Variants in FCN1 observed in about 807,000 individuals in gnomAD.
FCN1 encodes ficolin-1.
A neutral mutation model predicts 35.6 loss-of-function variants in FCN1; 42 were observed. The observed-to-expected ratio is 1.18, with a 90% confidence interval of 0.92 to 1.53. FCN1 has a LOEUF of 1.53. Among genes scored for constraint, FCN1 ranks in the 40% most tolerant of loss-of-function variants. The pLI, the probability that FCN1 is intolerant of heterozygous loss-of-function variation, is 0.00. For missense variants in FCN1, 439 were observed against 428.4 expected (o/e 1.02, Z -0.22); for synonymous variants, 179 against 169.8 (o/e 1.05, Z -0.42).
chr9:134,912,666 A>G, intron 6 of FCN1, 51 bp from the exon 7 acceptor site: 1 of 1,612,472 alleles, frequency 6.2e-7, no homozygotes, highest in South Asian at 1.1e-5. Flanking sequence ...GAGGTCCCAC[A>G]GCACCGGGGA....
rs541727182 is a variant in FCN1 at position 134,904,338 on chromosome 9, T to C, written c.*5460A>G. 6.6e-6 allele frequency among the ~76,000 whole-genome samples: 1 copy of C among 152,344 alleles called. No homozygotes were observed. The highest frequency in any genetic ancestry group is 2.1e-4 in the South Asian group (1 of 4,830). On this transcript the variant is annotated 3_prime_UTR_variant, in exon 9 of 9. Coordinates refer to ENST00000371806, the MANE Select transcript of FCN1 (RefSeq NM_002003.5). ...CTGAAATAACTGAATCTGAAAATACTGGACATCTGTATTTACAGTGCTAAA... is the reference window on the plus strand; with the variant it reads ...CTGAAATAACTGAATCTGAAAATACCGGACATCTGTATTTACAGTGCTAAA...
At chr9:134,916,933 T>C (rs887407034) in intron 1 of FCN1, among the ~76,000 whole-genome samples, 7 of 152,336 alleles carry the variant, frequency 4.6e-5, no homozygotes, top group African/African-American at 1.4e-4. Context: ...GAAGGGGCTT[T>C]CTAGGTCCTC....
In FCN1 at chr9:134,911,118, C is replaced by T. The variant is rs1053393904; in HGVS notation, c.733+15G>A. The T allele has an allele frequency of 6.8e-6, 11 of 1,613,856 alleles. No individual in the cohort carries two copies. The African/African-American group carries it at 1.2e-4, about 18-fold the overall frequency. On this transcript the variant is annotated intron_variant, in intron 8 of 8. Coordinates refer to ENST00000371806, the MANE Select transcript of FCN1 (RefSeq NM_002003.5). The stretch of plus-strand genomic sequence containing the variant: ...CAAGCCCCACTCAGGCCACCAGCCC[C>T]AAGCAGACACTCACCCGCACTGCCC...
chr9:134,915,708 C>T (rs988685095), intron 2 of FCN1, among the ~76,000 whole-genome samples: 1 of 152,214 alleles, frequency 6.6e-6, no homozygotes, highest in African/African-American at 2.4e-5. Flanking sequence ...ATCTTGAATG[C>T]GTCCAGGCAT....
chr9:134,915,319 GACCCT>G (rs1470715794), intron 2 of FCN1, among the ~76,000 whole-genome samples: 1 of 152,174 alleles, frequency 6.6e-6, no homozygotes, highest in African/African-American at 2.4e-5. Flanking sequence ...CCAGAAAGGT[GACCCT>G]CCCGTCCCCG....
At position 134,910,056 on chromosome 9, in the gene FCN1, A is replaced by G; in HGVS notation, c.734-11T>C. ...CCGTTAGAGAATTACCTGCTCACAG[A>G]AAATGTGGGGTTTGCAGATGCTGGA... On this transcript the variant is annotated splice_polypyrimidine_tract_variant and intron_variant, in intron 8 of 8. Transcript: ENST00000371806. 1 of 1,613,334 alleles carries G rather than the reference A, an allele frequency of 6.2e-7. No individual in the cohort carries two copies.
intron 2 of FCN1, 53 bp downstream of exon 2, chr9:134,916,295 G>T: frequency 1.5e-6 from 2 of 1,346,516 alleles, no homozygotes; most frequent in Non-Finnish European, 2.1e-6. Flanking sequence ...TTCATAAAGA[G>T]CAAGAGCCAG....
intron 1 of FCN1, among the ~76,000 whole-genome samples, 186 bp from the exon 2 acceptor site, chr9:134,916,647 G>T (rs1378761626): frequency 6.6e-6 from 1 of 152,258 alleles, no homozygotes; most frequent in Non-Finnish European, 1.5e-5. Context: ...TCTCCTCAGT[G>T]CTGTGTGTCC....
chr9:134,910,446 C>T (rs1344119890), intron 8 of FCN1, among the ~76,000 whole-genome samples: 1 of 152,196 alleles, frequency 6.6e-6, no homozygotes, highest in East Asian at 1.9e-4. Flanking sequence ...CTATCTCAAG[C>T]CCTGAGCCGG....
Position 134,908,808 on chromosome 9 carries a change from CTTG to C in FCN1, c.*987_*989del, listed in dbSNP as rs917270613. On this transcript the variant is annotated 3_prime_UTR_variant, in exon 9 of 9. Transcript: ENST00000371806. Reference sequence around the variant, plus strand: ...CTACTGAGCCAGGAGGTGGCGAGTTCTTGTTGTTTCAAGCCACTCCATTTGTGG... The same window carrying C: ...CTACTGAGCCAGGAGGTGGCGAGTTCTTGTTTCAAGCCACTCCATTTGTGG... The C allele has an allele frequency of 1.6e-5, 3 of 188,020 alleles. No homozygotes were observed. The highest frequency in any genetic ancestry group is 1.1e-4 in the Admixed American group (2 of 18,408). 11.6% of individuals were successfully genotyped at this position (188,020 alleles called of 1,614,324 possible).
In FCN1 at chr9:134,914,421, C is replaced by T. The variant is rs1831065606; in HGVS notation, c.272-1G>A. 1 of 1,613,894 alleles carries T rather than the reference C, an allele frequency of 6.2e-7. No homozygotes were observed. Among genetic ancestry groups the T allele is most frequent in the Non-Finnish European group, 8.5e-7 (1 of 1,179,860 alleles). Reference sequence around the variant, plus strand: ...CGCATCCCCTTCTCTCCTCGGTCTCCTGGAGGAAGAGGCAGGATAATGAGC... The same window carrying T: ...CGCATCCCCTTCTCTCCTCGGTCTCTTGGAGGAAGAGGCAGGATAATGAGC... On this transcript the variant is annotated splice_acceptor_variant, in intron 3 of 8. Coordinates refer to ENST00000371806, the MANE Select transcript of FCN1 (RefSeq NM_002003.5). LOFTEE classifies it high-confidence loss of function.
At chr9:134,914,681 C>T (rs1212586307) in intron 3 of FCN1, 75 bp downstream of exon 3, 1 of 1,058,340 alleles carries the variant, frequency 9.4e-7, no homozygotes, top group Non-Finnish European at 1.4e-6. Context: ...GTCTCTGTCT[C>T]TCCCTCCCTC....
At chr9:134,910,974 G>C (rs1193938754) in intron 8 of FCN1, among the ~76,000 whole-genome samples, 159 bp downstream of exon 8, 2 of 152,200 alleles carry the variant, frequency 1.3e-5, no homozygotes, top group African/African-American at 2.4e-5. Context: ...TGTCCTGTGA[G>C]CCCCACGCTG....
chr9:134,914,711 CAA>C (rs1831069997), intron 3 of FCN1, 43 bp downstream of exon 3: 1 of 1,445,502 alleles, frequency 6.9e-7, no homozygotes, highest in Non-Finnish European at 9.7e-7. Context: ...CAGACAGCTC[CAA>C]GGTCCCTGCT....
In FCN1 at chr9:134,904,432, A is replaced by T. The variant is rs1462036136; in HGVS notation, c.*5366T>A. Reference sequence around the variant, plus strand: ...CTATTTAAAATGAGGCAAAATAAAGATGTTTTCAGATAATAAAAGTGGACA... The same window carrying T: ...CTATTTAAAATGAGGCAAAATAAAGTTGTTTTCAGATAATAAAAGTGGACA... On this transcript the variant is annotated 3_prime_UTR_variant, in exon 9 of 9. Transcript: ENST00000371806. 6.6e-6 allele frequency among the ~76,000 whole-genome samples: 1 copy of T among 152,170 alleles called. No homozygotes were observed. The highest frequency in any genetic ancestry group is 1.5e-5 in the Non-Finnish European group (1 of 68,030).
chr9:134,914,474 A>C, intron 3 of FCN1, 54 bp from the exon 4 acceptor site: 4 of 1,517,914 alleles, frequency 2.6e-6, no homozygotes, highest in Non-Finnish European at 3.6e-6. Context: ...TGGGCCACGG[A>C]AAGGCTGGTC....
chr9:134,914,561 C>A, intron 3 of FCN1, 141 bp from the exon 4 acceptor site: 1 of 990,612 alleles, frequency 1.0e-6, no homozygotes, highest in South Asian at 1.4e-5. Context: ...GCCCAGGTCT[C>A]AATGGTGGGG....
In FCN1 at chr9:134,909,686, G is replaced by C; in HGVS notation, c.*112C>G. 2 of 1,595,844 alleles carry C rather than the reference G, an allele frequency of 1.3e-6. No individual in the cohort carries two copies. Among genetic ancestry groups the C allele is most frequent in the South Asian group, 1.1e-5 (1 of 90,010 alleles). ...CTGAGCTGGGGGCAAAGGGGCAGCT[G>C]TGGGCGTCATGGGAGTGTGTCTGGC... On this transcript the variant is annotated 3_prime_UTR_variant, in exon 9 of 9. Transcript: ENST00000371806.
rs532308786 is a variant in FCN1 at position 134,904,608 on chromosome 9, A to G, written c.*5190T>C. Among the ~76,000 whole-genome samples the G allele has an allele frequency of 7.2e-5, 11 of 152,024 alleles. 1 individual carries two copies. Among genetic ancestry groups the G allele is most frequent in the Admixed American group, 6.5e-4 (10 of 15,270 alleles). On this transcript the variant is annotated 3_prime_UTR_variant, in exon 9 of 9. Coordinates refer to ENST00000371806, the MANE Select transcript of FCN1 (RefSeq NM_002003.5). The stretch of plus-strand genomic sequence containing the variant: ...AGCCTGGCTAACATGGCGAAACCCC[A>G]TCTCTACCAAAAAATACAAAAATTA...
Sources: allele counts gnomAD v4.1 joint callset (sites outside exome capture counted in the v4.1 genomes callset), GRCh38; gene constraint gnomAD v4.1.1; transcripts MANE v1.5; gene names NCBI Gene and HGNC (gene_info 2026-07-23, HGNC 2026-07-21).